Variants in YWHAZ observed in about 807,000 individuals in gnomAD.
YWHAZ encodes the protein tyrosine 3-monooxygenase/tryptophan 5-monooxygenase activation protein zeta.
For synonymous variants in YWHAZ, 87 were observed against 103.6 expected (o/e 0.84, Z 0.97); for missense variants, 79 against 284.8 (o/e 0.28, Z 5.20).
chr8:100,946,445 G>A (rs1810276628), intron 2 of YWHAZ, among the ~76,000 whole-genome samples: 1 of 152,168 alleles, frequency 6.6e-6, no homozygotes, highest in African/African-American at 2.4e-5. Flanking sequence ...CAGCTACTCG[G>A]GAGGTCAAGG....
At chr8:100,923,778 G>C (rs1360926515) in intron 5 of YWHAZ, 177 bp downstream of exon 5, 2 of 483,498 alleles carry the variant, frequency 4.1e-6, no homozygotes, top group Non-Finnish European at 7.2e-6. Context: ...TAATATTTCA[G>C]TTTCTGTAAT....
At chr8:100,945,023 G>C (rs965064975) in intron 2 of YWHAZ, among the ~76,000 whole-genome samples, 1 of 152,166 alleles carries the variant, frequency 6.6e-6, no homozygotes, top group Non-Finnish European at 1.5e-5. Context: ...ATTTTTGGCT[G>C]CCATCTTTCA....
In YWHAZ at chr8:100,948,697, T is replaced by C; in HGVS notation, c.193A>G (p.Ile65Val). Residue 65 changes from isoleucine to valine, a missense_variant, in exon 2 of 6, where the codon ATT becomes GTT. Coordinates refer to ENST00000395958, the MANE Select transcript of YWHAZ (RefSeq NM_145690.3). This position sits in a 1 kb window ranked among gnomAD's most constrained non-coding sequence, Gnocchi z 4.2. ...TCAGCACCTTCCGTCTTTTGTTCAA[T>C]ACTTGAGACGACCCTCCAAGATGAC... ...RRSSWRVVSS[I>V]EQKTEGAEKK... The C allele has an allele frequency of 1.2e-6, 2 of 1,602,862 alleles. No individual in the cohort carries two copies. The highest frequency in any genetic ancestry group is 1.3e-5 in the African/African-American group (1 of 74,982).
At chr8:100,952,985 G>A (rs1195127984), upstream of YWHAZ, 3 of 1,000,650 alleles carry the variant, frequency 3.0e-6, no homozygotes, top group African/African-American at 5.2e-5. Flanking sequence ...GTGACTGCGC[G>A]AGGGGACAAT....
At chr8:100,950,742 A>T (rs1338714739) in intron 1 of YWHAZ, among the ~76,000 whole-genome samples, 1 of 150,594 alleles carries the variant, frequency 6.6e-6, no homozygotes, top group African/African-American at 2.5e-5. Flanking sequence ...AACCACTACC[A>T]GCCCCGCCGC....
rs1554617751 is a variant in YWHAZ, at chr8:100,948,567, T to A, written c.294+29A>T. 6.2e-7 allele frequency: 1 copy of A among 1,604,408 alleles called. No homozygotes were observed. Among genetic ancestry groups the A allele is most frequent in the Non-Finnish European group, 8.5e-7 (1 of 1,175,712 alleles). ...TGATACTCATAGGGACCCTACAGTA[T>A]AATGAAGCCAGACTGAATTGATTCT... On this transcript the variant is annotated intron_variant, in intron 2 of 5. Transcript: ENST00000395958. This position sits in a 1 kb window ranked among gnomAD's most constrained non-coding sequence, Gnocchi z 4.2.
At chr8:100,938,156 T>C (rs765381000) in intron 2 of YWHAZ, among the ~76,000 whole-genome samples, 2 of 152,114 alleles carry the variant, frequency 1.3e-5, no homozygotes, top group Non-Finnish European at 2.9e-5. Flanking sequence ...CCCACTGTTT[T>C]CAATAAAATT....
chr8:100,928,014 T>TC (rs1239089699), intron 2 of YWHAZ, among the ~76,000 whole-genome samples: 4 of 152,228 alleles, frequency 2.6e-5, no homozygotes, highest in Non-Finnish European at 5.9e-5. Context: ...GCATGGTGGC[T>TC]CACGCCTGTA....
intron 5 of YWHAZ, among the ~76,000 whole-genome samples, chr8:100,921,995 A>AT (rs1387386215): frequency 6.6e-6 from 1 of 152,208 alleles, no homozygotes; most frequent in Non-Finnish European, 1.5e-5. Flanking sequence ...CTAAGCAAAT[A>AT]TATCTCTGGC....
chr8:100,924,905 A>G lies in YWHAZ; in HGVS notation c.418+11T>C. The G allele has an allele frequency of 2.5e-6, 4 of 1,611,602 alleles. No homozygotes were observed. The highest frequency in any genetic ancestry group is 3.4e-6 in the Non-Finnish European group (4 of 1,179,648). Reference sequence around the variant, plus strand: ...ATACAAGTTCAACCAACAGGTTTAAAAACAGCATACCTTTCTTGTCATCAC... The same window carrying G: ...ATACAAGTTCAACCAACAGGTTTAAGAACAGCATACCTTTCTTGTCATCAC... On this transcript the variant is annotated intron_variant, in intron 3 of 5. Transcript: ENST00000395958. This position sits in a 1 kb window ranked among gnomAD's most constrained non-coding sequence, Gnocchi z 5.7.
intron 2 of YWHAZ, among the ~76,000 whole-genome samples, chr8:100,937,564 C>T (rs929910119): frequency 1.3e-5 from 2 of 152,128 alleles, no homozygotes; most frequent in African/African-American, 4.8e-5. Flanking sequence ...TTGAAATTTG[C>T]GAATACAGCT....
intron 1 of YWHAZ, chr8:100,951,228 G>A (rs1167910712): frequency 7.1e-6 from 7 of 984,766 alleles, no homozygotes; most frequent in South Asian, 4.7e-5. Context: ...GCCTCGCCCC[G>A]GTCTACCTGG....
chr8:100,933,770 G>T (rs1314588478), intron 2 of YWHAZ, among the ~76,000 whole-genome samples: 1 of 152,160 alleles, frequency 6.6e-6, no homozygotes, highest in African/African-American at 2.4e-5. Context: ...CACTTTGGAA[G>T]GCTGAGCTGG....
chr8:100,939,109 A>C (rs1053909349), intron 2 of YWHAZ, among the ~76,000 whole-genome samples: 5 of 152,204 alleles, frequency 3.3e-5, no homozygotes, highest in Non-Finnish European at 7.3e-5. Context: ...AGCCAGCCTA[A>C]AACTTTATTA....
chr8:100,943,966 G>A (rs1362106956), intron 2 of YWHAZ, among the ~76,000 whole-genome samples: 4 of 129,040 alleles, frequency 3.1e-5, no homozygotes, highest in South Asian at 2.6e-4. Context: ...CAGCCTAGGC[G>A]ACAGAGCAAG....
At chr8:100,933,354 G>A (rs1489577173) in intron 2 of YWHAZ, among the ~76,000 whole-genome samples, 8 of 121,614 alleles carry the variant, frequency 6.6e-5, no homozygotes, top group Middle Eastern at 4.0e-3. Flanking sequence ...GTGAGCCTCC[G>A]TCTCAAAAAA....
intron 2 of YWHAZ, among the ~76,000 whole-genome samples, chr8:100,941,422 T>A (rs1809847456): frequency 6.6e-6 from 1 of 152,198 alleles, no homozygotes; most frequent in African/African-American, 2.4e-5. Flanking sequence ...GGTTCCTTGG[T>A]ATAACGCTAA....
chr8:100,937,806 C>A (rs1011114497), intron 2 of YWHAZ, among the ~76,000 whole-genome samples: 3 of 152,172 alleles, frequency 2.0e-5, no homozygotes, highest in Non-Finnish European at 4.4e-5. Flanking sequence ...AAAAGTGATT[C>A]TCAGTAAGTA....
intron 2 of YWHAZ, among the ~76,000 whole-genome samples, chr8:100,928,272 T>A (rs1813508015): frequency 6.9e-6 from 1 of 145,380 alleles, no homozygotes; most frequent in Non-Finnish European, 1.5e-5. Flanking sequence ...AGAGTGAGAC[T>A]CCGTCTCAAA....
Sources: gnomAD v4.1 joint callset for allele counts (sites outside exome capture counted in the v4.1 genomes callset) on GRCh38, gnomAD v4.1.1 for gene constraint, Gnocchi (gnomAD v3.1) non-coding constraint, MANE v1.5 for transcripts, NCBI Gene and HGNC (gene_info 2026-07-23, HGNC 2026-07-21) for gene names.